The following TTC28 variants were observed in gnomAD, a reference collection of about 807,000 sequenced individuals.
TTC28 encodes tetratricopeptide repeat domain 28.
Under a neutral mutation model 198.0 loss-of-function variants are expected in TTC28, and 61 were observed. The ratio of observed to expected loss-of-function variants is 0.31; its 90% confidence interval spans 0.25 to 0.38. The LOEUF is 0.38. Ranked by LOEUF, TTC28 falls within the 10% of genes least tolerant of loss-of-function variation. The pLI is 1.00. For synonymous variants in TTC28, 1,171 were observed against 1,297.8 expected (o/e 0.90, Z 2.10); for missense variants, 2,678 against 3,164.0 (o/e 0.85, Z 3.69).
intron 12 of TTC28, among the ~76,000 whole-genome samples, chr22:28,050,355 G>A (rs991824246): frequency 6.6e-6 from 1 of 152,164 alleles, no homozygotes; most frequent in Non-Finnish European, 1.5e-5. Context: ...AGCAGCATCA[G>A]CTCCCATATG....
chr22:28,291,659 G>C (rs2044790240), intron 5 of TTC28, among the ~76,000 whole-genome samples: 1 of 152,144 alleles, frequency 6.6e-6, no homozygotes. Flanking sequence ...AGTATAAGAA[G>C]CCTTACTATG....
chr22:28,033,077 G>A (rs1413639747), intron 12 of TTC28, among the ~76,000 whole-genome samples: 1 of 152,136 alleles, frequency 6.6e-6, no homozygotes, highest in Non-Finnish European at 1.5e-5. Flanking sequence ...TGAGAAATCG[G>A]CTTATCATTC....
chr22:28,285,218 A>T (rs1368681689), intron 5 of TTC28, among the ~76,000 whole-genome samples: 3 of 152,238 alleles, frequency 2.0e-5, no homozygotes, highest in Non-Finnish European at 4.4e-5. Flanking sequence ...CAGCCATAAA[A>T]GGAAATCCTG....
At chr22:28,166,008 A>T (rs2147065681) in intron 5 of TTC28, among the ~76,000 whole-genome samples, 1 of 152,316 alleles carries the variant, frequency 6.6e-6, no homozygotes, top group Admixed American at 6.5e-5. Context: ...TGGAAAACAA[A>T]AAAAGGCAGG....
chr22:28,425,860 C>T (rs1051800999), intron 2 of TTC28, among the ~76,000 whole-genome samples: 8 of 152,122 alleles, frequency 5.3e-5, no homozygotes, highest in Non-Finnish European at 7.4e-5. Flanking sequence ...TGCTCTCCCT[C>T]GAGGTCCATT....
intron 2 of TTC28, among the ~76,000 whole-genome samples, chr22:28,623,114 T>C (rs1361229581): frequency 2.6e-5 from 4 of 152,122 alleles, no homozygotes; most frequent in Admixed American, 6.5e-5. Flanking sequence ...TGAGCCACCA[T>C]GCCCGGCCCA....
intron 5 of TTC28, among the ~76,000 whole-genome samples, chr22:28,164,776 G>C (rs1921692307): frequency 6.6e-6 from 1 of 152,176 alleles, no homozygotes; most frequent in Admixed American, 6.5e-5. Context: ...ACCAACAATG[G>C]AACAAAGCTG....
chr22:28,234,947 G>A (rs564588739), intron 5 of TTC28, among the ~76,000 whole-genome samples: 20 of 152,306 alleles, frequency 1.3e-4, no homozygotes, highest in Middle Eastern at 3.4e-3. Flanking sequence ...CCTCCAACTT[G>A]AGTTGTGATC....
chr22:28,531,559 C>A (rs2049140550), intron 2 of TTC28, among the ~76,000 whole-genome samples: 1 of 152,170 alleles, frequency 6.6e-6, no homozygotes, highest in Non-Finnish European at 1.5e-5. Flanking sequence ...CCAAGCGGAT[C>A]TAATAGACAT....
intron 2 of TTC28, among the ~76,000 whole-genome samples, chr22:28,333,826 A>T (rs1406177502): frequency 6.6e-6 from 1 of 151,936 alleles, no homozygotes; most frequent in Non-Finnish European, 1.5e-5. Flanking sequence ...ACACCTAAGG[A>T]AAAAAAATCA....
At chr22:28,444,470 G>A (rs1157212123) in intron 2 of TTC28, among the ~76,000 whole-genome samples, 3 of 152,114 alleles carry the variant, frequency 2.0e-5, no homozygotes, top group Admixed American at 2.0e-4. Context: ...CTGAGAATCT[G>A]AAATTCAATA....
At chr22:28,531,273 A>T (rs2049133199) in intron 2 of TTC28, among the ~76,000 whole-genome samples, 1 of 152,224 alleles carries the variant, frequency 6.6e-6, no homozygotes, top group Non-Finnish European at 1.5e-5. Context: ...CCTCTGATAA[A>T]ACAGACTTTA....
chr22:28,062,765 C>G (rs1940603129), intron 12 of TTC28, among the ~76,000 whole-genome samples: 1 of 151,906 alleles, frequency 6.6e-6, no homozygotes, highest in Non-Finnish European at 1.5e-5. Context: ...CCATTGTGTT[C>G]TTTTTTATAG....
chr22:28,137,509 G>A (rs1943226664), intron 6 of TTC28, among the ~76,000 whole-genome samples: 1 of 152,080 alleles, frequency 6.6e-6, no homozygotes, highest in Admixed American at 6.5e-5. Flanking sequence ...CAAACACTGT[G>A]AGTAGTTCTC....
intron 5 of TTC28, among the ~76,000 whole-genome samples, chr22:28,205,112 T>C (rs1191473714): frequency 6.6e-6 from 1 of 152,142 alleles, no homozygotes; most frequent in Non-Finnish European, 1.5e-5. Context: ...TTCATGTTTC[T>C]TTATTCCCTC....
Position 28,629,693 on chromosome 22 carries a change from C to G in TTC28, c.240G>C (p.Leu80=). 1.3e-6 allele frequency: 2 copies of G among 1,551,666 alleles called. No homozygotes were observed. Among genetic ancestry groups the G allele is most frequent in the Non-Finnish European group, 1.7e-6 (2 of 1,146,980 alleles). Residue 80 remains leucine (L), a synonymous_variant, in exon 2 of 23, where the codon CTG becomes CTC. Coordinates refer to ENST00000397906, the MANE Select transcript of TTC28 (RefSeq NM_001145418.2). ...HDGDFHTAIV[L]YNEALAVDPQ... is the part of the protein sequence containing the mutation. ...GGTCAACAGCCAGGGCTTCATTATA[C>G]AGAACAATAGCTGTGTGGAAATCTC...
intron 2 of TTC28, among the ~76,000 whole-genome samples, chr22:28,536,035 A>G (rs1342976802): frequency 6.6e-6 from 1 of 150,724 alleles, no homozygotes; most frequent in African/African-American, 2.4e-5. Flanking sequence ...CGTCTCTACT[A>G]GAAATACAAA....
intron 2 of TTC28, among the ~76,000 whole-genome samples, chr22:28,561,957 G>C (rs2049889567): frequency 6.6e-6 from 1 of 152,050 alleles, no homozygotes; most frequent in Admixed American, 6.6e-5. Context: ...ATTCCTTGAA[G>C]GCAGTGACTA....
In TTC28 at chr22:28,560,219, G is replaced by T. The variant is rs117058002; in HGVS notation, c.381+69333C>A. Among the ~76,000 whole-genome samples, 479 of 152,226 alleles carry T rather than the reference G, an allele frequency of 3.1e-3. 7 individuals are homozygous for T. The East Asian group carries it at 0.049, about 15-fold the overall frequency. On this transcript the variant is annotated intron_variant, in intron 2 of 22. Coordinates refer to ENST00000397906, the MANE Select transcript of TTC28 (RefSeq NM_001145418.2). ...ATCTGGAAAACATATCCTAAATCCAGCTGTTTTTACCACCTCAACAGTTAT... is the reference window on the plus strand; with the variant it reads ...ATCTGGAAAACATATCCTAAATCCATCTGTTTTTACCACCTCAACAGTTAT...
Sources: gnomAD v4.1 joint callset for allele counts (sites outside exome capture counted in the v4.1 genomes callset) on GRCh38, gnomAD v4.1.1 for gene constraint, MANE v1.5 for transcripts, NCBI Gene and HGNC (gene_info 2026-07-23, HGNC 2026-07-21) for gene names.